The following COG5 variants were observed in gnomAD, a reference collection of about 807,000 sequenced individuals.
The protein encoded by COG5 is component of oligomeric golgi complex 5, also known as conserved oligomeric Golgi complex subunit 5.
A neutral mutation model predicts 110.4 loss-of-function variants in COG5; 86 were observed. The observed-to-expected ratio is 0.78, with a 90% CI of 0.65 to 0.93. The LOEUF is 0.93. Among genes scored for constraint, COG5 ranks in the 40% least tolerant of loss-of-function variants. The pLI is 0.00. For missense variants in COG5, 1,077 were observed against 987.0 expected (o/e 1.09, Z -1.22); for synonymous variants, 360 against 334.6 (o/e 1.08, Z -0.83).
chr7:107,342,635 G>A (rs917261103), intron 10 of COG5, among the ~76,000 whole-genome samples: 9 of 151,966 alleles, frequency 5.9e-5, no homozygotes, highest in Admixed American at 2.6e-4. Flanking sequence ...CCAAGATCAC[G>A]CCACTGCATT....
intron 5 of COG5, among the ~76,000 whole-genome samples, chr7:107,547,296 G>A (rs1802521849): frequency 6.6e-6 from 1 of 152,026 alleles, no homozygotes; most frequent in African/African-American, 2.4e-5. Flanking sequence ...GATAGATGCA[G>A]AAAAGGCACT....
intron 11 of COG5, among the ~76,000 whole-genome samples, chr7:107,305,164 T>C (rs1449200799): frequency 7.2e-5 from 11 of 152,152 alleles, no homozygotes; most frequent in Non-Finnish European, 1.5e-4. Flanking sequence ...GCAATTCAGA[T>C]AGAAGAAACA....
At chr7:107,355,182 T>A (rs1449414702) in intron 10 of COG5, among the ~76,000 whole-genome samples, 2 of 152,090 alleles carry the variant, frequency 1.3e-5, no homozygotes, top group African/African-American at 4.8e-5. Context: ...GTTTAAAAAA[T>A]CTACAGGAAA....
chr7:107,202,496 C>T lies in COG5; in HGVS notation c.*1020G>A, dbSNP rs1271644076. On this transcript the variant is annotated 3_prime_UTR_variant, in exon 22 of 22. Transcript: ENST00000297135. ...CACACTATATTCTTGTATATTATTT[C>T]AAATAAATGGAAAAAAAAGTTGCTT... The T allele has an allele frequency of 6.6e-6, 1 of 152,294 alleles. No homozygotes were observed. The highest frequency in any genetic ancestry group is 6.6e-5 in the Admixed American group (1 of 15,248). The allele number at this position is 152,294 out of a possible 1,614,324, so 9.4% of individuals were successfully genotyped here.
At chr7:107,423,979 G>A (rs535117071) in intron 6 of COG5, among the ~76,000 whole-genome samples, 6 of 152,244 alleles carry the variant, frequency 3.9e-5, no homozygotes, top group African/African-American at 1.4e-4. Flanking sequence ...AAAGTAGAAT[G>A]TAGGTTAGTG....
chr7:107,387,945 A>G (rs1466314466), intron 7 of COG5, among the ~76,000 whole-genome samples: 1 of 152,122 alleles, frequency 6.6e-6, no homozygotes, highest in Non-Finnish European at 1.5e-5. Context: ...AACATACACA[A>G]CCTATTTTTA....
At chr7:107,342,635 G>C (rs917261103) in intron 10 of COG5, among the ~76,000 whole-genome samples, 1 of 151,966 alleles carries the variant, frequency 6.6e-6, no homozygotes, top group Non-Finnish European at 1.5e-5. Flanking sequence ...CCAAGATCAC[G>C]CCACTGCATT....
chr7:107,355,402 G>A (rs915135549), intron 10 of COG5, among the ~76,000 whole-genome samples: 12 of 152,248 alleles, frequency 7.9e-5, no homozygotes, highest in African/African-American at 2.9e-4. Context: ...GTCAGCAAGC[G>A]CAACTCTTAT....
chr7:107,507,574 T>A, intron 6 of COG5, among the ~76,000 whole-genome samples: 1 of 151,578 alleles, frequency 6.6e-6, no homozygotes, highest in East Asian at 1.9e-4. Context: ...CCCGAAGTGC[T>A]GGATTACAGG....
At chr7:107,547,980 ATTT>A in intron 5 of COG5, 128 bp downstream of exon 5, 1 of 770,842 alleles carries the variant, frequency 1.3e-6, no homozygotes, top group South Asian at 1.7e-5. Context: ...GCTTTTTAGT[ATTT>A]TTTTCTCCTT....
At chr7:107,205,632 C>T (rs1428223314) in intron 21 of COG5, among the ~76,000 whole-genome samples, 1 of 152,206 alleles carries the variant, frequency 6.6e-6, no homozygotes, top group Non-Finnish European at 1.5e-5. Flanking sequence ...ATTCTCTTAG[C>T]CCTTTGCACA....
intron 6 of COG5, among the ~76,000 whole-genome samples, chr7:107,496,559 C>T (rs1272655796): frequency 6.6e-6 from 1 of 151,340 alleles, no homozygotes; most frequent in African/African-American, 2.4e-5. Flanking sequence ...ACTTGGGAGG[C>T]TGAGGCATGA....
At position 107,365,107 on chromosome 7, in the gene COG5, C is replaced by G. The variant is rs192733285; in HGVS notation, c.836-2687G>C. 2.2e-4 allele frequency among the ~76,000 whole-genome samples: 34 copies of G among 151,988 alleles called. 1 individual carries two copies. In the East Asian group the frequency reaches 2.3e-3, roughly 10 times the overall value. On this transcript the variant is annotated intron_variant, in intron 8 of 21. Transcript: ENST00000297135. ...TATTATAATTATGAAACCCTTTAAC[C>G]TATTATTCTTTTAAATACAAGCAGA...
chr7:107,317,240 G>A (rs73726023), intron 11 of COG5, among the ~76,000 whole-genome samples: 3,552 of 152,148 alleles, frequency 0.023, 73 homozygotes, highest in African/African-American at 0.048. Context: ...GCCATGGCAC[G>A]GAAAGAGGGA....
chr7:107,411,707 A>C (rs556608480), intron 7 of COG5, among the ~76,000 whole-genome samples: 1 of 152,320 alleles, frequency 6.6e-6, no homozygotes, highest in East Asian at 1.9e-4. Context: ...AGGAATCAGA[A>C]GTCAAATAAG....
chr7:107,525,113 A>C (rs1352256185), intron 6 of COG5, among the ~76,000 whole-genome samples: 1 of 152,066 alleles, frequency 6.6e-6, no homozygotes, highest in Admixed American at 6.6e-5. Flanking sequence ...TTTTTAGTAG[A>C]GACGGGGTTT....
At chr7:107,385,333 C>T (rs1790107894) in intron 7 of COG5, among the ~76,000 whole-genome samples, 1 of 152,152 alleles carries the variant, frequency 6.6e-6, no homozygotes, top group African/African-American at 2.4e-5. Flanking sequence ...TTGTTTTAAG[C>T]CACCCCAGTT....
intron 6 of COG5, among the ~76,000 whole-genome samples, chr7:107,416,949 A>G (rs188316413): frequency 2.7e-4 from 41 of 152,348 alleles, no homozygotes; most frequent in African/African-American, 9.6e-4. Context: ...ATATAACCCC[A>G]TAACACAGAG....
intron 10 of COG5, among the ~76,000 whole-genome samples, chr7:107,360,209 G>A (rs1372436021): frequency 6.6e-6 from 1 of 152,202 alleles, no homozygotes; most frequent in Non-Finnish European, 1.5e-5. Flanking sequence ...GTGGAACGGA[G>A]CTAAATACTG....
Sources: allele counts gnomAD v4.1 joint callset (sites outside exome capture counted in the v4.1 genomes callset), GRCh38; gene constraint gnomAD v4.1.1; transcripts MANE v1.5; gene names NCBI Gene and HGNC (gene_info 2026-07-23, HGNC 2026-07-21).